ADAMTSL3: variants seen among roughly 807,000 people sequenced by gnomAD.
ADAMTSL3 encodes the protein ADAMTS-like protein 3.
A neutral mutation model predicts 201.7 loss-of-function variants in ADAMTSL3; 128 were observed. The observed-to-expected ratio is 0.63, with a 90% CI of 0.55 to 0.73. The LOEUF (loss-of-function observed/expected upper bound fraction) is 0.73, where lower values mean the gene tolerates loss of function less well. Among genes scored for constraint, ADAMTSL3 ranks in the 30% least tolerant of loss-of-function variants. ADAMTSL3 has a pLI of 0.00. For missense variants in ADAMTSL3, 1,990 were observed against 2,119.6 expected (o/e 0.94, Z 1.20); for synonymous variants, 738 against 748.4 (o/e 0.99, Z 0.23).
chr15:83,706,400 A>G (rs913798226), intron 3 of ADAMTSL3, among the ~76,000 whole-genome samples: 1 of 152,214 alleles, frequency 6.6e-6, no homozygotes, highest in African/African-American at 2.4e-5. Context: ...ATAGTGTTCC[A>G]GAAAGCCTCA....
At chr15:83,655,527 C>T (rs1055807012) in intron 1 of ADAMTSL3, among the ~76,000 whole-genome samples, 1 of 152,216 alleles carries the variant, frequency 6.6e-6, no homozygotes, top group Non-Finnish European at 1.5e-5. Flanking sequence ...GTCCAGCCCT[C>T]GCCTGACTTT....
chr15:83,996,780 CAAAAAAAAAA>C lies in ADAMTSL3; in HGVS notation c.3973+5584_3973+5593del, dbSNP rs35758954. Among the ~76,000 whole-genome samples, 23 of 33,852 alleles carry C rather than the reference CAAAAAAAAAA, an allele frequency of 6.8e-4. No homozygotes were observed. In the South Asian group the frequency reaches 7.4e-3, roughly 11 times the overall value. The allele number at this position is 33,852 out of a possible 152,430, so 22.2% of individuals were successfully genotyped here. A position where few individuals can be genotyped will look rare whatever the true frequency, so the allele number is the denominator to read the frequency against. ...TGGGCAACAGAGCGAGACTCTGCCT[CAAAAAAAAAA>C]AAAAAAAAAAAAAAAAAGAGCAAAA... On this transcript the variant is annotated intron_variant, in intron 23 of 29. Coordinates refer to ENST00000286744, the MANE Select transcript of ADAMTSL3 (RefSeq NM_207517.3).
At position 83,820,420 on chromosome 15, in the gene ADAMTSL3, CTGGA is replaced by C. The variant is rs1230204050; in HGVS notation, c.600+374_600+377del. Among the ~76,000 whole-genome samples, 6 of 152,238 alleles carry C rather than the reference CTGGA, an allele frequency of 3.9e-5. No individual in the cohort carries two copies. The South Asian group carries it at 8.3e-4, about 21-fold the overall frequency. On this transcript the variant is annotated intron_variant, in intron 6 of 29. Transcript: ENST00000286744. Reference sequence around the variant, plus strand: ...TAACTTGAACAAGCATCAGAGTCACCTGGAGGGCTTGTGATAACAGAGTGTTGGG... The same window carrying C: ...TAACTTGAACAAGCATCAGAGTCACCGGGCTTGTGATAACAGAGTGTTGGG...
rs1312535445 is a variant in ADAMTSL3 at position 83,983,150 on chromosome 15, G to A, written c.3522G>A (p.Pro1174=). The change falls in exon 21 of 30, where the codon CCG becomes CCA. Residue 1174 remains proline (P), a synonymous_variant. Coordinates refer to ENST00000286744, the MANE Select transcript of ADAMTSL3 (RefSeq NM_207517.3). ...AKNSGKLTFK[P]KGPVLMRQSQ... ...ACTCAGGCAAGCTGACATTCAAGCC[G>A]AAAGGACCTGTTCTCATGAGGCAAA... 2.5e-6 allele frequency: 4 copies of A among 1,613,610 alleles called. No homozygotes were observed. Among genetic ancestry groups the A allele is most frequent in the South Asian group, 1.1e-5 (1 of 90,972 alleles).
chr15:83,782,333 C>T (rs549099365), intron 4 of ADAMTSL3, among the ~76,000 whole-genome samples: 9 of 151,896 alleles, frequency 5.9e-5, no homozygotes, highest in South Asian at 2.1e-4. Context: ...AAAAATTAGC[C>T]GGGCATGGTG....
chr15:83,923,880 T>A (rs750023008), intron 16 of ADAMTSL3, 24 bp from the exon 17 acceptor site: 1 of 1,612,372 alleles, frequency 6.2e-7, no homozygotes, highest in African/African-American at 1.3e-5. Context: ...GTCATTTGCA[T>A]TTTTTCCTCT....
At position 83,755,718 on chromosome 15, in the gene ADAMTSL3, T is replaced by C. The variant is rs1181360308; in HGVS notation, c.190-17805T>C. 2.6e-5 allele frequency among the ~76,000 whole-genome samples: 4 copies of C among 152,224 alleles called. No homozygotes were observed. The East Asian group carries it at 5.8e-4, about 22-fold the overall frequency. ...TAGGGTTTTATGAATACTGCTGTTA[T>C]AACAGAGTGGTACAAACATTTGTTT... is the stretch of plus-strand genomic sequence containing the variant. On this transcript the variant is annotated intron_variant, in intron 3 of 29. Coordinates refer to ENST00000286744, the MANE Select transcript of ADAMTSL3 (RefSeq NM_207517.3).
chr15:83,841,182 T>C (rs191949956), intron 7 of ADAMTSL3, among the ~76,000 whole-genome samples: 1 of 152,354 alleles, frequency 6.6e-6, no homozygotes, highest in African/African-American at 2.4e-5. Context: ...ATTACTAATA[T>C]TGATCAAATG....
intron 2 of ADAMTSL3, among the ~76,000 whole-genome samples, chr15:83,669,995 C>G (rs1595997560): frequency 6.6e-6 from 1 of 151,658 alleles, no homozygotes; most frequent in African/African-American, 2.4e-5. Flanking sequence ...TGGTGGCTCA[C>G]GCTTGTAATC....
chr15:83,922,533 A>G (rs1057076070), intron 16 of ADAMTSL3, among the ~76,000 whole-genome samples: 8 of 152,238 alleles, frequency 5.3e-5, no homozygotes, highest in African/African-American at 1.9e-4. Context: ...AACCTCTACA[A>G]GGTAACTACG....
chr15:83,795,888 C>T (rs531958501), intron 4 of ADAMTSL3, among the ~76,000 whole-genome samples: 3 of 152,212 alleles, frequency 2.0e-5, no homozygotes, highest in African/African-American at 7.2e-5. Flanking sequence ...TAATGACAAA[C>T]TTGCAATCCT....
intron 4 of ADAMTSL3, among the ~76,000 whole-genome samples, chr15:83,801,645 AATATAAATATAT>A (rs2063517517): frequency 6.8e-5 from 3 of 43,902 alleles, no homozygotes; most frequent in Non-Finnish European, 1.4e-4. Context: ...TAAATATATA[AATATAAATATAT>A]ATATATATAT....
Position 83,854,237 on chromosome 15 carries a change from G to A in ADAMTSL3, c.728-4529G>A, listed in dbSNP as rs558070755. ...TCTCTTTAGTTTCTTTTTTTTTAGT[G>A]CACTTATTTTTTCATGGTATCGACT... On this transcript the variant is annotated intron_variant, in intron 7 of 29. Transcript: ENST00000286744. 5.3e-5 allele frequency among the ~76,000 whole-genome samples: 8 copies of A among 151,126 alleles called. No individual in the cohort carries two copies. In the East Asian group the frequency reaches 1.6e-3, roughly 29 times the overall value.
Position 83,906,617 on chromosome 15 carries a change from ACACAC to A in ADAMTSL3, c.1701-6469_1701-6465del, listed in dbSNP as rs1310400863. On this transcript the variant is annotated intron_variant, in intron 15 of 29. Transcript: ENST00000286744. Reference sequence around the variant, plus strand: ...TGTATCTATATATTTATATAGTGCCACACACCACACACACACACACACACACACAC... The same window carrying A: ...TGTATCTATATATTTATATAGTGCCACACACACACACACACACACACACAC... Among the ~76,000 whole-genome samples, 82 of 25,154 alleles carry A rather than the reference ACACAC, an allele frequency of 3.3e-3. No homozygotes were observed. The East Asian group carries it at 0.035, about 11-fold the overall frequency. The allele number at this position is 25,154 out of a possible 152,430, so 16.5% of individuals were successfully genotyped here.
chr15:83,747,897 C>G (rs1393541906), intron 3 of ADAMTSL3, among the ~76,000 whole-genome samples: 2 of 151,144 alleles, frequency 1.3e-5, no homozygotes, highest in Admixed American at 6.6e-5. Flanking sequence ...CAGGGTGGAG[C>G]AGCCATGAGA....
chr15:83,836,482 A>G (rs1438613996), intron 6 of ADAMTSL3, among the ~76,000 whole-genome samples: 1 of 152,160 alleles, frequency 6.6e-6, no homozygotes, highest in African/African-American at 2.4e-5. Context: ...CAACACCAAA[A>G]TGTTGGAAAG....
At chr15:83,733,667 G>A (rs2062320426) in intron 3 of ADAMTSL3, among the ~76,000 whole-genome samples, 1 of 152,116 alleles carries the variant, frequency 6.6e-6, no homozygotes, top group Non-Finnish European at 1.5e-5. Flanking sequence ...ATCTTTGAAG[G>A]AAGCTCTCTC....
rs140971458 is a variant in ADAMTSL3 at position 83,775,655 on chromosome 15, T to C, written c.317+2005T>C. Among the ~76,000 whole-genome samples the C allele has an allele frequency of 9.7e-3, 1,478 of 152,242 alleles. 31 individuals carry two copies. Among genetic ancestry groups the C allele is most frequent in the African/African-American group, 0.034 (1,419 of 41,534 alleles). On this transcript the variant is annotated intron_variant, in intron 4 of 29. Transcript: ENST00000286744. ...GAGGCAGGAGAGTTCTTGGCTTTAT[T>C]GTTGAGAGCAGGTATTGGTGTTCTC...
At chr15:83,971,908 A>T (rs2067203794) in intron 20 of ADAMTSL3, among the ~76,000 whole-genome samples, 1 of 148,306 alleles carries the variant, frequency 6.7e-6, no homozygotes, top group Non-Finnish European at 1.5e-5. Context: ...TATATGTTTT[A>T]TATATATGTT....
Sources: allele counts gnomAD v4.1 joint callset (sites outside exome capture counted in the v4.1 genomes callset), GRCh38; gene constraint gnomAD v4.1.1; transcripts MANE v1.5; gene names NCBI Gene and HGNC (gene_info 2026-07-23, HGNC 2026-07-21).